SMIM21: variants seen among roughly 807,000 people sequenced by gnomAD.
SMIM21 encodes chromosome 18 open reading frame 62.
Under a neutral mutation model 8.6 loss-of-function variants are expected in SMIM21, and 8 were observed. The observed-to-expected ratio is 0.93, with a 90% CI of 0.55 to 1.68. The LOEUF is 1.68. SMIM21 is among the 40% of genes most tolerant of loss of function. The probability of loss-of-function intolerance (pLI) is 0.00; values close to 1 mark genes in which losing one functional copy is unlikely to be tolerated. For missense variants in SMIM21, 132 were observed against 123.0 expected (o/e 1.07, Z -0.35); for synonymous variants, 43 against 41.7 (o/e 1.03, Z -0.12).
At chr18:75,413,581 G>T (rs1207611009) in intron 2 of SMIM21, among the ~76,000 whole-genome samples, 1 of 152,190 alleles carries the variant, frequency 6.6e-6, no homozygotes, top group Non-Finnish European at 1.5e-5. Context: ...GGACACATAA[G>T]GCCATTCGTG....
At chr18:75,425,285 T>G (rs1051201224) in intron 1 of SMIM21, among the ~76,000 whole-genome samples, 20 of 152,120 alleles carry the variant, frequency 1.3e-4, no homozygotes, top group African/African-American at 4.6e-4. Flanking sequence ...GAGTTTCCAG[T>G]ACATAAGAAC....
In SMIM21 at chr18:75,422,528, C is replaced by T. The variant is rs139764059; in HGVS notation, c.130-3612G>A. ...ACTTGTATGCAAGTGTTCAGAGCAGCATGACTCATAATAGTCAAAATGTGG... is the reference window on the plus strand; with the variant it reads ...ACTTGTATGCAAGTGTTCAGAGCAGTATGACTCATAATAGTCAAAATGTGG... On this transcript the variant is annotated intron_variant, in intron 1 of 2. Transcript: ENST00000579022. Among the ~76,000 whole-genome samples, 1,745 of 152,252 alleles carry T rather than the reference C, an allele frequency of 0.011. 51 individuals are homozygous for T. In the South Asian group the frequency reaches 0.13, roughly 11 times the overall value.
At chr18:75,413,372 C>G (rs1276939691) in intron 2 of SMIM21, among the ~76,000 whole-genome samples, 1 of 152,188 alleles carries the variant, frequency 6.6e-6, no homozygotes. Context: ...TGATCACCCC[C>G]TGTGAAATTA....
At chr18:75,417,408 G>A (rs2024658261) in intron 2 of SMIM21, 1 of 152,156 alleles carries the variant, frequency 6.6e-6, no homozygotes, top group Non-Finnish European at 1.5e-5. Flanking sequence ...TCACTTCGGT[G>A]CAGAAAATCT....
intron 1 of SMIM21, among the ~76,000 whole-genome samples, chr18:75,421,829 T>C (rs1266136341): frequency 6.6e-6 from 1 of 152,184 alleles, no homozygotes; most frequent in Non-Finnish European, 1.5e-5. Context: ...TGGGTTTTCT[T>C]ATCTGCTTCT....
intron 1 of SMIM21, among the ~76,000 whole-genome samples, chr18:75,421,028 G>T (rs553802043): frequency 6.6e-6 from 1 of 152,140 alleles, no homozygotes; most frequent in African/African-American, 2.4e-5. Context: ...ATTTCATAAC[G>T]TGTGAAGTGC....
In SMIM21 at chr18:75,410,103, C is replaced by T. The variant is rs1184704988; in HGVS notation, c.*761G>A. 3.9e-5 allele frequency: 6 copies of T among 152,670 alleles called. No homozygotes were observed. The highest frequency in any genetic ancestry group is 8.8e-5 in the Non-Finnish European group (6 of 68,052). The allele number at this position is 152,670 out of a possible 1,614,324, so 9.5% of individuals were successfully genotyped here. A position where few individuals can be genotyped will look rare whatever the true frequency, so the allele number is the denominator to read the frequency against. On this transcript the variant is annotated 3_prime_UTR_variant, in exon 3 of 3. Coordinates refer to ENST00000579022, the MANE Select transcript of SMIM21 (RefSeq NM_001037331.3). ...CACCTTAAGTTGCTCAATTTGATCTCTGCACTCAGGAACAAGGTAATTAAG... is the reference window on the plus strand; with the variant it reads ...CACCTTAAGTTGCTCAATTTGATCTTTGCACTCAGGAACAAGGTAATTAAG...
intron 1 of SMIM21, among the ~76,000 whole-genome samples, chr18:75,420,934 T>A (rs2024701739): frequency 6.6e-6 from 1 of 152,140 alleles, no homozygotes; most frequent in African/African-American, 2.4e-5. Flanking sequence ...GAGAGAGTAG[T>A]ACTTCCACAG....
rs370040995 is a variant in SMIM21 at position 75,411,569 on chromosome 18, G to C, written c.261-660C>G. The stretch of plus-strand genomic sequence containing the variant: ...ATTGCAGAGGAGGGACAGAGGCCTG[G>C]AGACAGCTCAGGGGTGGCTTTGCCT... On this transcript the variant is annotated intron_variant, in intron 2 of 2. Coordinates refer to ENST00000579022, the MANE Select transcript of SMIM21 (RefSeq NM_001037331.3). Among the ~76,000 whole-genome samples the C allele has an allele frequency of 1.3e-4, 20 of 152,326 alleles. No homozygotes were observed. The East Asian group carries it at 1.7e-3, about 13-fold the overall frequency.
In SMIM21 at chr18:75,418,676, T is replaced by C. The variant is rs149671855; in HGVS notation, c.260+110A>G. 15 of 1,116,424 alleles carry C rather than the reference T, an allele frequency of 1.3e-5. No homozygotes were observed. In the East Asian group the frequency reaches 3.6e-4, roughly 27 times the overall value. 69.2% of individuals were successfully genotyped at this position (1,116,424 alleles called of 1,614,324 possible). ...TGCACTCTCCTAGGTGGCTACAGAT[T>C]GATTGCTTGATGAATGTTCTAGTTT... On this transcript the variant is annotated intron_variant, in intron 2 of 2. Transcript: ENST00000579022.
At chr18:75,419,977 A>C (rs769219250) in intron 1 of SMIM21, among the ~76,000 whole-genome samples, 10 of 152,186 alleles carry the variant, frequency 6.6e-5, no homozygotes, top group Non-Finnish European at 1.2e-4. Context: ...AAGTTGTTTT[A>C]ATTAGGTTGG....
chr18:75,419,031 A>G, intron 1 of SMIM21, 115 bp from the exon 2 acceptor site: 2 of 604,454 alleles, frequency 3.3e-6, no homozygotes, highest in Non-Finnish European at 5.5e-6. Context: ...AAATAAGTTT[A>G]TATATTTAAG....
At chr18:75,425,142 A>G (rs2024748280) in intron 1 of SMIM21, among the ~76,000 whole-genome samples, 1 of 152,196 alleles carries the variant, frequency 6.6e-6, no homozygotes, top group African/African-American at 2.4e-5. Flanking sequence ...TACTGGAACC[A>G]ATGTGAGCTT....
In SMIM21 at chr18:75,410,831, T is replaced by G. The variant is rs775215805; in HGVS notation, c.*33A>C. On this transcript the variant is annotated 3_prime_UTR_variant, in exon 3 of 3. Transcript: ENST00000579022. Reference sequence around the variant, plus strand: ...CATCTTGAGCAGGGGAAATCCATGGTATGAAGGCCATGAGAGAGAAACGTA... The same window carrying G: ...CATCTTGAGCAGGGGAAATCCATGGGATGAAGGCCATGAGAGAGAAACGTA... The G allele has an allele frequency of 6.2e-6, 10 of 1,613,546 alleles. No homozygotes were observed. The highest frequency in any genetic ancestry group is 1.3e-5 in the African/African-American group (1 of 74,922).
At chr18:75,419,522 G>A (rs937641638) in intron 1 of SMIM21, among the ~76,000 whole-genome samples, 4 of 152,094 alleles carry the variant, frequency 2.6e-5, no homozygotes, top group African/African-American at 7.2e-5. Flanking sequence ...CATCTTGACT[G>A]ATAATTGGCT....
intron 2 of SMIM21, chr18:75,418,040 A>G (rs1246840795): frequency 7.6e-6 from 3 of 394,110 alleles, no homozygotes; most frequent in African/African-American, 6.2e-5. Flanking sequence ...TCTCCAGAAC[A>G]GGAGACATTT....
At chr18:75,418,762 C>A in intron 2 of SMIM21, 24 bp downstream of exon 2, 1 of 1,576,124 alleles carries the variant, frequency 6.3e-7, no homozygotes, top group Non-Finnish European at 8.6e-7. Flanking sequence ...TTTTTTTTAA[C>A]TGCTAAGGTT....
intron 1 of SMIM21, among the ~76,000 whole-genome samples, chr18:75,424,262 CG>C (rs1460807483): frequency 6.6e-6 from 1 of 151,842 alleles, no homozygotes; most frequent in African/African-American, 2.4e-5. Flanking sequence ...CATTTTATTA[CG>C]GGTGTCCACG....
At chr18:75,417,449 C>T (rs972472674) in intron 2 of SMIM21, 8 of 152,186 alleles carry the variant, frequency 5.3e-5, no homozygotes, top group African/African-American at 1.9e-4. Flanking sequence ...ATTTATAACT[C>T]ATGGGATATT....
Sources: allele counts gnomAD v4.1 joint callset (sites outside exome capture counted in the v4.1 genomes callset), GRCh38; gene constraint gnomAD v4.1.1; transcripts MANE v1.5; gene names NCBI Gene and HGNC (gene_info 2026-07-23, HGNC 2026-07-21).